CLOCK: variants seen among roughly 807,000 people sequenced by gnomAD.
CLOCK encodes the protein circadian locomoter output cycles protein kaput.
Under a neutral mutation model 118.4 loss-of-function variants are expected in CLOCK, and 43 were observed. The ratio of observed to expected loss-of-function variants is 0.36; its 90% CI spans 0.28 to 0.47. The LOEUF (loss-of-function observed/expected upper bound fraction) is 0.47. CLOCK is among the 20% of genes least tolerant of loss of function. The pLI is 1.00. For missense variants in CLOCK, 846 were observed against 999.9 expected, an observed-to-expected ratio of 0.85 and a Z score of 2.08; for synonymous variants, 326 against 339.2, an observed-to-expected ratio of 0.96 and a Z score of 0.43.
At chr4:55,530,474 T>G (rs906796462) in intron 1 of CLOCK, among the ~76,000 whole-genome samples, 1 of 152,104 alleles carries the variant, frequency 6.6e-6, no homozygotes, top group Admixed American at 6.6e-5. Context: ...ATACTGGAGT[T>G]AATTTAAAAT....
At chr4:55,442,673 A>T in intron 20 of CLOCK, 39 bp from the exon 21 acceptor site, 1 of 1,523,684 alleles carries the variant, frequency 6.6e-7, no homozygotes, top group Middle Eastern at 1.7e-4. Flanking sequence ...AGATTAACTG[A>T]AAATAATTAT....
chr4:55,532,439 A>G (rs958549147), intron 1 of CLOCK, among the ~76,000 whole-genome samples: 8 of 152,216 alleles, frequency 5.3e-5, no homozygotes, highest in African/African-American at 1.9e-4. Context: ...AAAAACTGTT[A>G]GTACTAATAC....
intron 1 of CLOCK, among the ~76,000 whole-genome samples, chr4:55,518,992 C>A (rs1293952719): frequency 6.6e-6 from 1 of 152,164 alleles, no homozygotes; most frequent in East Asian, 1.9e-4. Context: ...CCTTTCAAAA[C>A]ATTCTCATAC....
At chr4:55,515,016 G>A (rs929390876) in intron 1 of CLOCK, among the ~76,000 whole-genome samples, 1 of 152,068 alleles carries the variant, frequency 6.6e-6, no homozygotes, top group Non-Finnish European at 1.5e-5. Flanking sequence ...ATCTGGACCT[G>A]GTGATTTCTA....
At chr4:55,484,509 G>C (rs1012224364) in intron 3 of CLOCK, among the ~76,000 whole-genome samples, 6 of 152,154 alleles carry the variant, frequency 3.9e-5, no homozygotes, top group Admixed American at 3.9e-4. Context: ...AGGTAGAAGA[G>C]AATTTAAAGA....
intron 18 of CLOCK, among the ~76,000 whole-genome samples, chr4:55,446,240 T>A (rs1723839132): frequency 6.6e-6 from 1 of 151,600 alleles, no homozygotes; most frequent in Non-Finnish European, 1.5e-5. Context: ...ACTACAGGCA[T>A]ATGCCACCAT....
At chr4:55,500,429 G>C (rs371606834) in intron 2 of CLOCK, among the ~76,000 whole-genome samples, 1 of 152,044 alleles carries the variant, frequency 6.6e-6, no homozygotes, top group Admixed American at 6.5e-5. Context: ...CTGCAGCCTC[G>C]ACCTCCTGGG....
intron 1 of CLOCK, among the ~76,000 whole-genome samples, chr4:55,537,960 G>A (rs4864546): frequency 0.38 from 57,938 of 151,840 alleles, 11,147 homozygotes; most frequent in East Asian, 0.58. Flanking sequence ...AGACCAGGGC[G>A]GAAATAAGAA....
At chr4:55,442,390 G>T in intron 21 of CLOCK, 42 bp downstream of exon 21, 2 of 1,516,002 alleles carry the variant, frequency 1.3e-6, no homozygotes, top group South Asian at 1.1e-5. Flanking sequence ...CTAATCAATC[G>T]GTTTACAATT....
At chr4:55,459,359 A>C in intron 9 of CLOCK, 98 bp from the exon 10 acceptor site, 1 of 788,626 alleles carries the variant, frequency 1.3e-6, no homozygotes. Flanking sequence ...GTAAGTTTAC[A>C]ACCATTATTT....
intron 7 of CLOCK, among the ~76,000 whole-genome samples, chr4:55,471,061 A>G (rs538923379): frequency 6.6e-6 from 1 of 152,260 alleles, no homozygotes; most frequent in South Asian, 2.1e-4. Flanking sequence ...ACAATGTTCT[A>G]CCTTCATCAC....
chr4:55,543,371 C>T (rs1731406642), intron 1 of CLOCK, among the ~76,000 whole-genome samples: 1 of 152,128 alleles, frequency 6.6e-6, no homozygotes, highest in Admixed American at 6.6e-5. Flanking sequence ...AATAACAGAG[C>T]CCATACTGGA....
rs545834899 is a variant in CLOCK, at chr4:55,526,518, T to C, written c.-289-16453A>G. On this transcript the variant is annotated intron_variant, in intron 1 of 22. Transcript: ENST00000513440. ...CTATGAACCTTTAGATCATACATTC[T>C]CAACAGTAGCAATGTCACATTCAAG... 1.1e-4 allele frequency among the ~76,000 whole-genome samples: 16 copies of C among 152,252 alleles called. No homozygotes were observed. In the South Asian group the frequency reaches 3.3e-3, roughly 32 times the overall value.
intron 18 of CLOCK, among the ~76,000 whole-genome samples, chr4:55,448,118 A>C (rs1724033644): frequency 6.6e-6 from 1 of 152,184 alleles, no homozygotes. Flanking sequence ...ATCTGCTTAC[A>C]TATCAACTTA....
At chr4:55,475,902 G>A in intron 7 of CLOCK, 61 bp downstream of exon 7, 2 of 1,157,996 alleles carry the variant, frequency 1.7e-6, no homozygotes, top group South Asian at 2.5e-5. Flanking sequence ...TGGATATTAA[G>A]TCACCCTGTG....
At position 55,435,140 on chromosome 4, in the gene CLOCK, G is replaced by T; in HGVS notation, c.*275C>A. 2.3e-6 allele frequency: 1 copy of T among 442,616 alleles called. No individual in the cohort carries two copies. The highest frequency in any genetic ancestry group is 4.2e-6 in the Non-Finnish European group (1 of 236,972). The allele number at this position is 442,616 out of a possible 1,614,324, so 27.4% of individuals were successfully genotyped here. ...TTCATAGCTGAGCTTCTTAATATTT[G>T]GCAATATATTCTTTTTCCATCAAAA... On this transcript the variant is annotated 3_prime_UTR_variant, in exon 23 of 23. Coordinates refer to ENST00000513440, the MANE Select transcript of CLOCK (RefSeq NM_004898.4).
intron 21 of CLOCK, 38 bp downstream of exon 21, chr4:55,442,394 T>G: frequency 1.3e-6 from 2 of 1,557,066 alleles, no homozygotes; most frequent in Non-Finnish European, 1.8e-6. Context: ...TCAATCGGTT[T>G]ACAATTTTAA....
chr4:55,472,850 A>C (rs1447133807), intron 7 of CLOCK, among the ~76,000 whole-genome samples: 1 of 152,138 alleles, frequency 6.6e-6, no homozygotes, highest in African/African-American at 2.4e-5. Flanking sequence ...AGAAGTAGAA[A>C]TCTTGTCATT....
chr4:55,520,004 C>T (rs1054411032), intron 1 of CLOCK, among the ~76,000 whole-genome samples: 2 of 152,204 alleles, frequency 1.3e-5, no homozygotes, highest in South Asian at 2.1e-4. Flanking sequence ...GACTTAGACA[C>T]ACAACACCTG....
Sources: allele counts gnomAD v4.1 joint callset (sites outside exome capture counted in the v4.1 genomes callset), GRCh38; gene constraint gnomAD v4.1.1; transcripts MANE v1.5; gene names NCBI Gene and HGNC (gene_info 2026-07-23, HGNC 2026-07-21).